Variants in WDR44 observed in about 807,000 individuals in gnomAD.
WDR44 encodes the protein WD repeat-containing protein 44.
Under a neutral mutation model 65.7 loss-of-function variants are expected in WDR44, and 9 were observed. The observed-to-expected ratio is 0.14, with a 90% CI of 0.08 to 0.24. The LOEUF (loss-of-function observed/expected upper bound fraction) is 0.24, where lower values mean the gene tolerates loss of function less well. Among genes scored for constraint, WDR44 ranks in the 10% least tolerant of loss-of-function variants. WDR44 has a pLI of 1.00. For missense variants in WDR44, 425 were observed against 670.9 expected, an observed-to-expected ratio of 0.63 and a Z score of 4.05; for synonymous variants, 220 against 235.2, an observed-to-expected ratio of 0.94 and a Z score of 0.59.
chrX:118,385,225 T>G (rs139654957), intron 2 of WDR44, among the ~76,000 whole-genome samples: 608 of 112,093 alleles, frequency 5.4e-3, no homozygotes, highest in Non-Finnish European at 9.8e-3. Context: ...GCAGCACTAT[T>G]CACAATAGCA....
At chrX:118,404,469 C>T (rs1456983530) in intron 9 of WDR44, 25 bp downstream of exon 9, 2 of 1,054,057 alleles carry the variant, frequency 1.9e-6, no homozygotes, top group African/African-American at 3.8e-5. Context: ...AACATTTCAA[C>T]TAAACATTCA....
intron 13 of WDR44, among the ~76,000 whole-genome samples, chrX:118,433,204 A>AT (rs1443026294): frequency 8.9e-6 from 1 of 111,971 alleles, no homozygotes; most frequent in Non-Finnish European, 1.9e-5. Context: ...ATTAACTGTT[A>AT]TAACCACCTT....
intron 12 of WDR44, among the ~76,000 whole-genome samples, chrX:118,424,321 G>GTGTGTATATATATATA (rs2057134654): frequency 1.6e-5 from 1 of 63,468 alleles, no homozygotes; most frequent in Admixed American, 2.1e-4. Context: ...ATGTGTGTGT[G>GTGTGTATATATATATA]TGTATATATA....
intron 1 of WDR44, among the ~76,000 whole-genome samples, chrX:118,358,779 C>G (rs2056486095): frequency 9.0e-6 from 1 of 111,295 alleles, no homozygotes; most frequent in South Asian, 3.7e-4. Context: ...ACTTACAAAA[C>G]CATATTAATA....
In WDR44 at chrX:118,371,878, A is replaced by G. The variant is rs188065753; in HGVS notation, c.78-6541A>G. 6.3e-5 allele frequency among the ~76,000 whole-genome samples: 7 copies of G among 111,378 alleles called. No individual in the cohort carries two copies. The Admixed American group carries it at 6.7e-4, about 11-fold the overall frequency. ...TTTAATAAAGTTATTTTATGTAGACATTTGAACTTTTTCTGCAAAAAATTA... is the reference window on the plus strand; with the variant it reads ...TTTAATAAAGTTATTTTATGTAGACGTTTGAACTTTTTCTGCAAAAAATTA... On this transcript the variant is annotated intron_variant, in intron 1 of 19. Transcript: ENST00000254029.
rs1467164424 is a variant in WDR44, at chrX:118,442,273, C to G, written c.2196C>G (p.Val732=). 3 of 1,209,634 alleles carry G rather than the reference C, an allele frequency of 2.5e-6. No homozygotes were observed. The highest frequency in any genetic ancestry group is 4.4e-5 in the Admixed American group (2 of 45,924). The change falls in exon 16 of 20, where the codon GTC becomes GTG. Residue 732 remains valine (V), a synonymous_variant. Transcript: ENST00000254029. The part of the protein sequence containing the change: ...EHLKYHTQIH[V]RSTRGRNKVG... Reference sequence around the variant, plus strand: ...TGAAATACCATACACAAATACATGTCCGATCTACTAGAGGGCGCAACAAGG... The same window carrying G: ...TGAAATACCATACACAAATACATGTGCGATCTACTAGAGGGCGCAACAAGG...
intron 1 of WDR44, among the ~76,000 whole-genome samples, chrX:118,368,121 G>A (rs900375163): frequency 1.1e-4 from 12 of 111,313 alleles, no homozygotes; most frequent in Non-Finnish European, 1.9e-4. Flanking sequence ...CATCTAAGAA[G>A]GTTACTAAAA....
At chrX:118,414,824 C>T (rs898454960) in intron 12 of WDR44, among the ~76,000 whole-genome samples, 3 of 111,471 alleles carry the variant, frequency 2.7e-5, no homozygotes, top group Admixed American at 9.6e-5. Context: ...CGTCAGCAAA[C>T]AGTGACAGTT....
chrX:118,350,509 G>T (rs763093641), intron 1 of WDR44, among the ~76,000 whole-genome samples: 14 of 111,464 alleles, frequency 1.3e-4, no homozygotes, highest in Admixed American at 1.9e-4. Context: ...TTTATATTGA[G>T]GTTTAATAGT....
intron 2 of WDR44, among the ~76,000 whole-genome samples, chrX:118,378,709 C>CGTGTGTGT (rs61698360): frequency 1.7e-3 from 157 of 94,423 alleles, no homozygotes; most frequent in African/African-American, 3.6e-3. Flanking sequence ...AATAAAAGAA[C>CGTGTGTGT]GTGTGTGTGT....
At chrX:118,423,942 A>G (rs973147282) in intron 12 of WDR44, among the ~76,000 whole-genome samples, 1 of 111,470 alleles carries the variant, frequency 9.0e-6, no homozygotes, top group Non-Finnish European at 1.9e-5. Context: ...TTTTCTTTTT[A>G]TGACTGAATA....
At chrX:118,433,412 G>T in intron 13 of WDR44, among the ~76,000 whole-genome samples, 1 of 110,738 alleles carries the variant, frequency 9.0e-6, no homozygotes, top group Non-Finnish European at 1.9e-5. Flanking sequence ...AAAAAATTGA[G>T]AACCTGTGCA....
chrX:118,381,576 C>CTTTTT (rs371445545), intron 2 of WDR44, among the ~76,000 whole-genome samples: 2 of 87,166 alleles, frequency 2.3e-5, no homozygotes, highest in African/African-American at 9.3e-5. Flanking sequence ...GTTCTTTCTT[C>CTTTTT]TTTTTTTTTT....
chrX:118,443,761 A>G (rs1385355979), intron 18 of WDR44, 74 bp downstream of exon 18: 3 of 1,049,854 alleles, frequency 2.9e-6, no homozygotes, highest in Non-Finnish European at 3.8e-6. Context: ...AAGTAAATTC[A>G]TGACCGGACA....
At chrX:118,415,867 T>C (rs1326856131) in intron 12 of WDR44, among the ~76,000 whole-genome samples, 4 of 111,612 alleles carry the variant, frequency 3.6e-5, no homozygotes, top group African/African-American at 9.8e-5. Flanking sequence ...CTGCTTGTTA[T>C]TGGTCTGTTC....
intron 14 of WDR44, among the ~76,000 whole-genome samples, chrX:118,440,310 TA>T (rs1486954190): frequency 9.1e-6 from 1 of 110,316 alleles, no homozygotes; most frequent in East Asian, 2.8e-4. Context: ...CTCTACACAC[TA>T]AATACTGGTA....
At chrX:118,431,564 A>G (rs1238896607) in intron 12 of WDR44, among the ~76,000 whole-genome samples, 9 of 111,738 alleles carry the variant, frequency 8.1e-5, no homozygotes, top group African/African-American at 1.3e-4. Context: ...CGGCCTCCCA[A>G]AATGCTGGGA....
At chrX:118,411,097 G>A in intron 12 of WDR44, 138 bp downstream of exon 12, 1 of 514,196 alleles carries the variant, frequency 1.9e-6, no homozygotes. Flanking sequence ...AGAACCAAGA[G>A]TTTCTTCAAT....
At chrX:118,408,428 C>T (rs1473399525) in intron 10 of WDR44, among the ~76,000 whole-genome samples, 2 of 108,372 alleles carry the variant, frequency 1.8e-5, no homozygotes, top group African/African-American at 3.4e-5. Context: ...GGCAGAGTCT[C>T]GCTCTGTCAC....
Sources: gnomAD v4.1 joint callset for allele counts (sites outside exome capture counted in the v4.1 genomes callset) on GRCh38, gnomAD v4.1.1 for gene constraint, MANE v1.5 for transcripts, NCBI Gene and HGNC (gene_info 2026-07-23, HGNC 2026-07-21) for gene names.